Variants in ANKS1B observed in about 807,000 individuals in gnomAD.
ANKS1B encodes ankyrin repeat and sterile alpha motif domain containing 1B, also known as ankyrin repeat and sterile alpha motif domain-containing protein 1B.
In ANKS1B, 36 loss-of-function variants were observed where a neutral mutation model predicts 148.3. The observed-to-expected ratio is 0.24, with a 90% CI of 0.19 to 0.32. The LOEUF (loss-of-function observed/expected upper bound fraction) is 0.32, where lower values mean the gene tolerates loss of function less well. Ranked by LOEUF, ANKS1B falls within the 10% of genes least tolerant of loss-of-function variation. ANKS1B has a pLI of 1.00. For missense variants in ANKS1B, 1,157 were observed against 1,542.6 expected (o/e 0.75, Z 4.19); for synonymous variants, 542 against 560.8 (o/e 0.97, Z 0.47).
intron 14 of ANKS1B, among the ~76,000 whole-genome samples, chr12:99,188,493 G>C (rs1207227111): frequency 6.6e-6 from 1 of 152,156 alleles, no homozygotes; most frequent in East Asian, 1.9e-4. Flanking sequence ...ATAACAAACA[G>C]TCTCTCAGAC....
intron 16 of ANKS1B, among the ~76,000 whole-genome samples, chr12:99,081,269 C>A (rs903842306): frequency 1.3e-5 from 2 of 152,080 alleles, no homozygotes; most frequent in Admixed American, 6.6e-5. Flanking sequence ...AGCAAAGCAC[C>A]TTTTCTCTGT....
At chr12:99,507,080 A>G (rs1031241689) in intron 9 of ANKS1B, among the ~76,000 whole-genome samples, 1 of 151,998 alleles carries the variant, frequency 6.6e-6, no homozygotes, top group East Asian at 1.9e-4. Context: ...AAAGCTAACT[A>G]CAAGTTATGG....
intron 17 of ANKS1B, among the ~76,000 whole-genome samples, chr12:98,942,184 T>G (rs2099837892): frequency 1.4e-5 from 2 of 140,012 alleles, no homozygotes; most frequent in Non-Finnish European, 3.0e-5. Flanking sequence ...GAGGTTGCAG[T>G]GAGCTGAGAT....
At chr12:99,551,245 T>A (rs2153166383) in intron 9 of ANKS1B, among the ~76,000 whole-genome samples, 1 of 152,300 alleles carries the variant, frequency 6.6e-6, no homozygotes, top group Admixed American at 6.5e-5. Flanking sequence ...TCCAGCCACA[T>A]AAAATAATTT....
Position 99,017,170 on chromosome 12 carries a change from G to T in ANKS1B, c.2778+35987C>A, listed in dbSNP as rs191929806. On this transcript the variant is annotated intron_variant, in intron 17 of 26. Coordinates refer to ENST00000683438, the MANE Select transcript of ANKS1B (RefSeq NM_001352186.2). ...ACACAAAGAGAAATCTAACATAGTTGACTCCATCTTGCTTCTGACTTCCAA... is the reference window on the plus strand; with the variant it reads ...ACACAAAGAGAAATCTAACATAGTTTACTCCATCTTGCTTCTGACTTCCAA... Among the ~76,000 whole-genome samples the T allele has an allele frequency of 5.3e-5, 8 of 152,302 alleles. No individual in the cohort carries two copies. In the East Asian group the frequency reaches 1.4e-3, roughly 26 times the overall value.
At chr12:98,816,150 T>C (rs1277821582) in intron 19 of ANKS1B, among the ~76,000 whole-genome samples, 3 of 152,192 alleles carry the variant, frequency 2.0e-5, no homozygotes, top group African/African-American at 7.2e-5. Context: ...CTGGCTACTA[T>C]AGGCCTAGCT....
intron 11 of ANKS1B, among the ~76,000 whole-genome samples, chr12:99,416,186 G>C (rs1379444100): frequency 6.6e-6 from 1 of 152,194 alleles, no homozygotes; most frequent in Non-Finnish European, 1.5e-5. Flanking sequence ...GCTGTTGTGT[G>C]TATCAATAGC....
At chr12:99,273,676 T>G (rs996043072) in intron 12 of ANKS1B, among the ~76,000 whole-genome samples, 1 of 151,212 alleles carries the variant, frequency 6.6e-6, no homozygotes, top group Admixed American at 6.6e-5. Flanking sequence ...CCTCCAGGTT[T>G]AAGCAATTCT....
intron 15 of ANKS1B, among the ~76,000 whole-genome samples, chr12:99,098,694 T>A (rs1159232802): frequency 6.8e-6 from 1 of 146,328 alleles, no homozygotes; most frequent in African/African-American, 2.5e-5. Flanking sequence ...TAGTTTCATG[T>A]TGTTTTTGCT....
chr12:99,259,344 C>T (rs1566754981), intron 12 of ANKS1B, among the ~76,000 whole-genome samples: 1 of 152,206 alleles, frequency 6.6e-6, no homozygotes, highest in Non-Finnish European at 1.5e-5. Context: ...ATAAAATTCC[C>T]TCTTCTAAGC....
At chr12:99,799,941 G>C (rs1284482036) in intron 4 of ANKS1B, among the ~76,000 whole-genome samples, 1 of 152,050 alleles carries the variant, frequency 6.6e-6, no homozygotes, top group Non-Finnish European at 1.5e-5. Context: ...GAGTGAAATG[G>C]AAAACCAATA....
At chr12:99,318,870 G>A (rs1326306577) in intron 12 of ANKS1B, among the ~76,000 whole-genome samples, 4 of 151,774 alleles carry the variant, frequency 2.6e-5, no homozygotes, top group Non-Finnish European at 5.9e-5. Flanking sequence ...GGTGTGTTGT[G>A]TCTTTGTTTT....
At chr12:99,253,849 GT>G (rs2074947374) in intron 12 of ANKS1B, among the ~76,000 whole-genome samples, 1 of 152,172 alleles carries the variant, frequency 6.6e-6, no homozygotes. Context: ...CATATCCAGT[GT>G]GGTAAAGATG....
intron 16 of ANKS1B, among the ~76,000 whole-genome samples, chr12:99,082,691 T>C (rs1285919158): frequency 1.3e-5 from 2 of 152,146 alleles, no homozygotes; most frequent in East Asian, 1.9e-4. Context: ...TGGTAGTCCA[T>C]CTAGATAGAG....
intron 19 of ANKS1B, among the ~76,000 whole-genome samples, chr12:98,813,487 G>T (rs574094438): frequency 6.6e-6 from 1 of 151,434 alleles, no homozygotes; most frequent in South Asian, 2.1e-4. Context: ...GAAGTGCTAG[G>T]ATTACAGTTG....
chr12:99,338,701 T>A (rs2089400004), intron 12 of ANKS1B, among the ~76,000 whole-genome samples: 1 of 152,156 alleles, frequency 6.6e-6, no homozygotes, highest in African/African-American at 2.4e-5. Context: ...TTACCACTGA[T>A]GTTTATTCAA....
intron 12 of ANKS1B, among the ~76,000 whole-genome samples, chr12:99,336,572 A>C (rs2088913304): frequency 6.6e-6 from 1 of 151,862 alleles, no homozygotes; most frequent in Non-Finnish European, 1.5e-5. Context: ...GTCTAGTTTC[A>C]TTCTTCTCGT....
At chr12:99,270,586 T>C (rs1165510973) in intron 12 of ANKS1B, among the ~76,000 whole-genome samples, 2 of 152,212 alleles carry the variant, frequency 1.3e-5, no homozygotes, top group Non-Finnish European at 2.9e-5. Context: ...ATAACACCTA[T>C]CCACAGTGTC....
At chr12:99,312,695 G>A (rs567922828) in intron 12 of ANKS1B, among the ~76,000 whole-genome samples, 1 of 151,968 alleles carries the variant, frequency 6.6e-6, no homozygotes, top group South Asian at 2.1e-4. Context: ...ACAAGTCAAG[G>A]GTAAGGGTAT....
Sources: gnomAD v4.1 joint callset for allele counts (sites outside exome capture counted in the v4.1 genomes callset) on GRCh38, gnomAD v4.1.1 for gene constraint, MANE v1.5 for transcripts, NCBI Gene and HGNC (gene_info 2026-07-23, HGNC 2026-07-21) for gene names.